The following NSUN6 variants were observed in gnomAD, a reference collection of about 807,000 sequenced individuals.
The protein encoded by NSUN6 is tRNA (cytosine(72)-C(5))-methyltransferase NSUN6.
NSUN6 carries 64 observed loss-of-function variants against 58.0 expected under a neutral mutation model. That is an observed-to-expected ratio of 1.10 (90% CI 0.90 to 1.36). NSUN6 has a LOEUF of 1.36. NSUN6 is among the 40% of genes most tolerant of loss of function. NSUN6 has a pLI of 0.00. For synonymous variants in NSUN6, 231 were observed against 193.9 expected (o/e 1.19, Z -1.59); for missense variants, 701 against 550.1 (o/e 1.27, Z -2.74).
intron 3 of NSUN6, among the ~76,000 whole-genome samples, chr10:18,624,953 G>C (rs552191983): frequency 6.6e-6 from 1 of 152,114 alleles, no homozygotes; most frequent in South Asian, 2.1e-4. Flanking sequence ...TGGGAATTTC[G>C]GTACATGCTA....
In NSUN6 at chr10:18,570,696, CCATTCCATTCTCTATT is replaced by C. The variant is rs2056303819; in HGVS notation, c.922+15237_922+15252del. Among the ~76,000 whole-genome samples the C allele has an allele frequency of 3.0e-5, 3 of 98,364 alleles. No homozygotes were observed. In the Admixed American group the frequency reaches 3.8e-4, roughly 12 times the overall value. 64.5% of individuals were successfully genotyped at this position (98,364 alleles called of 152,430 possible). On this transcript the variant is annotated intron_variant, in intron 8 of 10. Coordinates refer to ENST00000377304, the MANE Select transcript of NSUN6 (RefSeq NM_182543.5). ...TCTCCATTCCATTTCATGCTCCATT[CCATTCCATTCTCTATT>C]CCATTCCATTCTCCACTCCATTTCA...
chr10:18,566,403 C>T (rs1272891379), intron 8 of NSUN6, among the ~76,000 whole-genome samples: 1 of 148,174 alleles, frequency 6.7e-6, no homozygotes, highest in Admixed American at 6.8e-5. Flanking sequence ...CTCCATTCTT[C>T]TTCATTCTAT....
At chr10:18,658,769 G>A, upstream of NSUN6, 1 of 343,404 alleles carries the variant, frequency 2.9e-6, no homozygotes, top group Non-Finnish European at 4.1e-6. Context: ...TTGGGAAGTC[G>A]AGGCAGGAAG....
intron 8 of NSUN6, 62 bp downstream of exon 8, chr10:18,585,887 C>T (rs1422903293): frequency 3.2e-6 from 4 of 1,267,094 alleles, no homozygotes; most frequent in East Asian, 4.7e-5. Flanking sequence ...GTCAAAACAT[C>T]ACACTGTATG....
chr10:18,587,625 GCA>G (rs2057213763), intron 7 of NSUN6, among the ~76,000 whole-genome samples: 1 of 152,092 alleles, frequency 6.6e-6, no homozygotes, highest in East Asian at 1.9e-4. Context: ...GGCAGTGGGT[GCA>G]ACGCACGGAC....
At chr10:18,554,876 G>C (rs946471860) in intron 8 of NSUN6, among the ~76,000 whole-genome samples, 1 of 151,262 alleles carries the variant, frequency 6.6e-6, no homozygotes, top group East Asian at 2.0e-4. Flanking sequence ...AAATGGGATG[G>C]AATATAATGG....
chr10:18,644,501 C>CTTTTTTT (rs35934175), intron 2 of NSUN6, among the ~76,000 whole-genome samples: 10 of 146,480 alleles, frequency 6.8e-5, no homozygotes, highest in African/African-American at 2.3e-4. Context: ...TAAGGTATGT[C>CTTTTTTT]TTTTTTTTTT....
chr10:18,571,719 T>C (rs149391441), intron 8 of NSUN6, among the ~76,000 whole-genome samples: 3,990 of 149,894 alleles, frequency 0.027, 176 homozygotes, highest in African/African-American at 0.091. Flanking sequence ...TTCCATTCTC[T>C]ATTCCATTCC....
intron 5 of NSUN6, among the ~76,000 whole-genome samples, chr10:18,611,773 G>T (rs1254119496): frequency 1.3e-5 from 2 of 151,796 alleles, no homozygotes; most frequent in Non-Finnish European, 2.9e-5. Context: ...GTCTCACTAT[G>T]TTGCCCAGAC....
Position 18,548,333 on chromosome 10 carries a change from G to A in NSUN6, c.1072-96C>T, listed in dbSNP as rs141156262. 5.3e-5 allele frequency: 58 copies of A among 1,087,920 alleles called. No homozygotes were observed. The Admixed American group carries it at 6.8e-4, about 13-fold the overall frequency. The allele number at this position is 1,087,920 out of a possible 1,614,324, so 67.4% of individuals were successfully genotyped here. A position where few individuals can be genotyped will look rare whatever the true frequency, so the allele number is the denominator to read the frequency against. ...AAGGTATAATGTCTTTCAAATGTTT[G>A]GGATAAATAAAATGATGTTCTATGT... On this transcript the variant is annotated intron_variant, in intron 9 of 10. Coordinates refer to ENST00000377304, the MANE Select transcript of NSUN6 (RefSeq NM_182543.5).
chr10:18,558,679 A>AGAATG (rs1418289087), intron 8 of NSUN6, among the ~76,000 whole-genome samples: 1 of 146,680 alleles, frequency 6.8e-6, no homozygotes, highest in South Asian at 2.2e-4. Context: ...AAAATGGAAA[A>AGAATG]GAATGGAATG....
chr10:18,635,870 G>T (rs2059197684), intron 3 of NSUN6, among the ~76,000 whole-genome samples: 1 of 150,308 alleles, frequency 6.7e-6, no homozygotes, highest in East Asian at 2.0e-4. Context: ...AAAAAAAAAA[G>T]ACAAAGAAGA....
At chr10:18,655,055 A>G, upstream of NSUN6, 1 of 982,596 alleles carries the variant, frequency 1.0e-6, no homozygotes, top group Non-Finnish European at 1.2e-6. Flanking sequence ...TGCCACGCTT[A>G]TGGAACATTG....
At chr10:18,580,589 C>T (rs1244525181) in intron 8 of NSUN6, among the ~76,000 whole-genome samples, 1 of 152,150 alleles carries the variant, frequency 6.6e-6, no homozygotes, top group Non-Finnish European at 1.5e-5. Flanking sequence ...TATTTAACCC[C>T]TGATTACCCT....
intron 9 of NSUN6, 29 bp downstream of exon 9, chr10:18,551,794 T>C (rs903858970): frequency 3.8e-6 from 6 of 1,597,518 alleles, no homozygotes; most frequent in Non-Finnish European, 5.1e-6. Flanking sequence ...AAAGTTAACT[T>C]TGTTTCACAA....
chr10:18,579,509 T>C (rs188403497), intron 8 of NSUN6, among the ~76,000 whole-genome samples: 4 of 152,276 alleles, frequency 2.6e-5, no homozygotes, highest in Non-Finnish European at 4.4e-5. Flanking sequence ...ACATAATATA[T>C]AGTCCTGTGT....
intron 8 of NSUN6, among the ~76,000 whole-genome samples, chr10:18,563,703 C>G (rs1380466663): frequency 6.6e-6 from 1 of 151,130 alleles, no homozygotes; most frequent in African/African-American, 2.4e-5. Flanking sequence ...CTATTTCATT[C>G]CATTCTTCAT....
chr10:18,550,300 A>C (rs2054520537), intron 9 of NSUN6, among the ~76,000 whole-genome samples: 1 of 152,214 alleles, frequency 6.6e-6, no homozygotes, highest in Non-Finnish European at 1.5e-5. Flanking sequence ...TCTGAGGATG[A>C]GTTCTTCGAA....
At chr10:18,639,235 C>G (rs2059320189) in intron 3 of NSUN6, among the ~76,000 whole-genome samples, 2 of 152,046 alleles carry the variant, frequency 1.3e-5, no homozygotes, top group African/African-American at 4.8e-5. Flanking sequence ...TGGCTCACAC[C>G]TGTAATCCCA....
Sources: gnomAD v4.1 joint callset for allele counts (sites outside exome capture counted in the v4.1 genomes callset) on GRCh38, gnomAD v4.1.1 for gene constraint, MANE v1.5 for transcripts, NCBI Gene and HGNC (gene_info 2026-07-23, HGNC 2026-07-21) for gene names.